EXD2: variants seen among roughly 807,000 people sequenced by gnomAD.
EXD2 encodes the protein exonuclease 3'-5' domain-containing protein 2.
A neutral mutation model predicts 62.5 loss-of-function variants in EXD2; 40 were observed. The observed-to-expected ratio is 0.64, with a 90% CI of 0.50 to 0.83. The LOEUF is 0.83. Among genes scored for constraint, EXD2 ranks in the 40% least tolerant of loss-of-function variants. EXD2 has a pLI of 0.00. For missense variants in EXD2, 671 were observed against 761.8 expected (o/e 0.88, Z 1.40); for synonymous variants, 239 against 291.9 (o/e 0.82, Z 1.85).
At chr14:69,235,611 T>G in intron 6 of EXD2, 1 of 260,640 alleles carries the variant, frequency 3.8e-6, no homozygotes, top group Non-Finnish European at 7.4e-6. Flanking sequence ...AGGAATTAAT[T>G]GGATGATTAA....
chr14:69,227,877 GT>G (rs927424474), intron 3 of EXD2: 4 of 151,990 alleles, frequency 2.6e-5, no homozygotes, highest in African/African-American at 7.3e-5. Context: ...ATTGTATAAA[GT>G]TTTTTGTATC....
At chr14:69,207,888 A>G (rs1355873275) in intron 2 of EXD2, among the ~76,000 whole-genome samples, 1 of 145,786 alleles carries the variant, frequency 6.9e-6, no homozygotes, top group Non-Finnish European at 1.5e-5. Context: ...ACCAAAGGCC[A>G]TTTACTTTTT....
chr14:69,219,222 A>G (rs1380716229), intron 3 of EXD2, among the ~76,000 whole-genome samples: 1 of 152,170 alleles, frequency 6.6e-6, no homozygotes, highest in African/African-American at 2.4e-5. Flanking sequence ...GAGGTCCTTC[A>G]CATCCCTTGT....
chr14:69,233,414 A>T (rs1320332803), intron 5 of EXD2, among the ~76,000 whole-genome samples: 2 of 151,340 alleles, frequency 1.3e-5, no homozygotes, highest in African/African-American at 4.8e-5. Context: ...TTTTTTTTAA[A>T]TTTAATTTAA....
At position 69,215,051 on chromosome 14, in the gene EXD2, G is replaced by A. The variant is rs191227510; in HGVS notation, c.333+5248G>A. ...AATCTCAGCACTTTGGGAGGCCAAG[G>A]TGGGTGGATCACCTGAACCTGAGGT... On this transcript the variant is annotated intron_variant, in intron 3 of 9. Coordinates refer to ENST00000685843, the MANE Select transcript of EXD2 (RefSeq NM_001193360.2). Among the ~76,000 whole-genome samples, 270 of 152,268 alleles carry A rather than the reference G, an allele frequency of 1.8e-3. 2 individuals are homozygous for A. Among genetic ancestry groups the A allele is most frequent in the African/African-American group, 5.9e-3 (246 of 41,556 alleles).
chr14:69,212,056 A>G (rs1465887530), intron 3 of EXD2, among the ~76,000 whole-genome samples: 1 of 152,158 alleles, frequency 6.6e-6, no homozygotes, highest in African/African-American at 2.4e-5. Flanking sequence ...TAAAAATAAG[A>G]TAGAATAAAT....
At chr14:69,231,719 C>T (rs2043585916) in intron 5 of EXD2, among the ~76,000 whole-genome samples, 1 of 152,018 alleles carries the variant, frequency 6.6e-6, no homozygotes, top group Admixed American at 6.6e-5. Flanking sequence ...TGGCTCCTCC[C>T]AGGACGGAGT....
chr14:69,229,620 CA>C (rs900105673), intron 4 of EXD2, among the ~76,000 whole-genome samples: 1 of 152,088 alleles, frequency 6.6e-6, no homozygotes, highest in African/African-American at 2.4e-5. Flanking sequence ...TGCTTTAGGC[CA>C]AAAATGATGG....
At chr14:69,212,037 C>A (rs1380253114) in intron 3 of EXD2, among the ~76,000 whole-genome samples, 1 of 152,128 alleles carries the variant, frequency 6.6e-6, no homozygotes, top group Non-Finnish European at 1.5e-5. Flanking sequence ...TTCATGGCTT[C>A]CTTCCTTGTA....
At position 69,237,729 on chromosome 14, in the gene EXD2, GC is replaced by G. The variant is rs2043845256; in HGVS notation, c.1452del (p.Ile485SerfsTer77). On this transcript the variant is annotated frameshift_variant, in exon 9 of 10. Transcript: ENST00000685843. LOFTEE classifies it high-confidence loss of function. Reference sequence around the variant, plus strand: ...GCAGCAGCTGGCCAAGGAGTTCCAGGCCCCCATCGGCTCTGAGGAGGGCTTG... The same window carrying G: ...GCAGCAGCTGGCCAAGGAGTTCCAGGCCCCATCGGCTCTGAGGAGGGCTTG... The part of the protein sequence containing the change: ...LKQQLAKEFQ[A>X]PIGSEEGLRL... The G allele has an allele frequency of 6.2e-7, 1 of 1,614,040 alleles. No individual in the cohort carries two copies. The highest frequency in any genetic ancestry group is 8.5e-7 in the Non-Finnish European group (1 of 1,179,962).
rs775526650 is a variant in EXD2 at position 69,230,512 on chromosome 14, G to C, written c.631G>C (p.Ala211Pro). ...LCNGLSLKSL[A>P]ETVLNFPLDK... The stretch of plus-strand genomic sequence containing the variant: ...TAATGGGCTTAGCCTGAAGTCCCTC[G>C]CTGAGACTGTTTTGAACTTTCCCCT... The change falls in exon 5 of 10, where the codon GCT (alanine) becomes CCT (proline). Residue 211 changes from alanine to proline, a missense_variant. Transcript: ENST00000685843. 1 of 1,613,486 alleles carries C rather than the reference G, an allele frequency of 6.2e-7. No homozygotes were observed. Among genetic ancestry groups the C allele is most frequent in the African/African-American group, 1.3e-5 (1 of 74,810 alleles).
intron 9 of EXD2, chr14:69,239,103 A>C (rs897393780): frequency 2.6e-5 from 4 of 152,260 alleles, no homozygotes; most frequent in African/African-American, 9.6e-5. Flanking sequence ...ACTGAATGGA[A>C]TGTTGAGCAG....
At chr14:69,211,126 T>C (rs1023962372) in intron 3 of EXD2, among the ~76,000 whole-genome samples, 3 of 152,180 alleles carry the variant, frequency 2.0e-5, no homozygotes, top group African/African-American at 7.2e-5. Context: ...TGCTGTTTAA[T>C]AGCATTTTAC....
At chr14:69,239,610 T>A (rs1010587103) in intron 9 of EXD2, among the ~76,000 whole-genome samples, 1 of 152,240 alleles carries the variant, frequency 6.6e-6, no homozygotes, top group Non-Finnish European at 1.5e-5. Flanking sequence ...TTTAGATTTC[T>A]TACTGGTTAA....
intron 3 of EXD2, among the ~76,000 whole-genome samples, chr14:69,220,270 T>G (rs1196013843): frequency 9.0e-6 from 1 of 110,634 alleles, no homozygotes; most frequent in African/African-American, 3.6e-5. Flanking sequence ...TTTTTTTTTT[T>G]TTTTTTTTTT....
chr14:69,218,076 T>C (rs1454284408), intron 3 of EXD2, among the ~76,000 whole-genome samples: 2 of 152,214 alleles, frequency 1.3e-5, no homozygotes, highest in Non-Finnish European at 2.9e-5. Context: ...AGTCAAATGG[T>C]ATTTCTAATT....
chr14:69,225,009 C>T (rs1329017437), intron 3 of EXD2, among the ~76,000 whole-genome samples: 1 of 152,166 alleles, frequency 6.6e-6, no homozygotes, highest in Non-Finnish European at 1.5e-5. Flanking sequence ...TCTCAATTAC[C>T]TACATGCTCT....
At chr14:69,198,348 G>A (rs952609977) in intron 1 of EXD2, among the ~76,000 whole-genome samples, 3 of 152,116 alleles carry the variant, frequency 2.0e-5, no homozygotes, top group South Asian at 2.1e-4. Context: ...ACATTCCTCT[G>A]CCATAATTCG....
At chr14:69,209,893 G>T in intron 3 of EXD2, 90 bp downstream of exon 3, 3 of 1,094,462 alleles carry the variant, frequency 2.7e-6, no homozygotes, top group Non-Finnish European at 3.8e-6. Flanking sequence ...AGAAAATAAG[G>T]TTAAAGGAGA....
Sources: gnomAD v4.1 joint callset for allele counts (sites outside exome capture counted in the v4.1 genomes callset) on GRCh38, gnomAD v4.1.1 for gene constraint, MANE v1.5 for transcripts, NCBI Gene and HGNC (gene_info 2026-07-23, HGNC 2026-07-21) for gene names.